FREM3: variants seen among roughly 807,000 people sequenced by gnomAD.
The protein encoded by FREM3 is FRAS1 related extracellular matrix 3, also known as FRAS1-related extracellular matrix protein 3.
Under a neutral mutation model 129.1 loss-of-function variants are expected in FREM3, and 105 were observed. The observed-to-expected ratio is 0.81, with a 90% CI of 0.69 to 0.96. The LOEUF (loss-of-function observed/expected upper bound fraction) is 0.96, where lower values mean the gene tolerates loss of function less well. FREM3 is among the 40% of genes least tolerant of loss of function. FREM3 has a pLI of 0.00. For missense variants in FREM3, 2,593 were observed against 2,666.3 expected (o/e 0.97, Z 0.61); for synonymous variants, 1,014 against 1,044.9 (o/e 0.97, Z 0.57).
intron 6 of FREM3, among the ~76,000 whole-genome samples, chr4:143,609,597 G>C (rs1738721602): frequency 6.6e-6 from 1 of 152,020 alleles, no homozygotes; most frequent in Non-Finnish European, 1.5e-5. Context: ...CTCTTGGTAA[G>C]AGATAGTTGC....
chr4:143,675,265 C>T (rs1740093886), intron 2 of FREM3, among the ~76,000 whole-genome samples: 1 of 152,114 alleles, frequency 6.6e-6, no homozygotes, highest in Admixed American at 6.5e-5. Flanking sequence ...TACATGGAAA[C>T]TGAACAACCT....
intron 2 of FREM3, among the ~76,000 whole-genome samples, chr4:143,656,414 T>A (rs1739601906): frequency 6.6e-6 from 1 of 152,220 alleles, no homozygotes; most frequent in Admixed American, 6.5e-5. Context: ...CATCCAAATG[T>A]CTATCAATTG....
Position 143,698,580 on chromosome 4 carries a change from T to A in FREM3, c.2096A>T (p.Asp699Val). 3.3e-6 allele frequency: 5 copies of A among 1,537,788 alleles called. No individual in the cohort carries two copies. Among genetic ancestry groups the A allele is most frequent in the Non-Finnish European group, 3.5e-6 (4 of 1,147,022 alleles). ...TGGATACAGCTGTGGACTCAGTATA[T>A]CCACTGGTTGGACCTTGATGGTGAA... ...HIFTIKVQPV[D>V]ILSPQLYPGT... The change falls in exon 1 of 8, where the codon GAT (aspartate) becomes GTT (valine). Residue 699 changes from aspartate to valine, a missense_variant. By Grantham distance (152) the Asp-to-Val change is radical. Transcript: ENST00000329798.
intron 2 of FREM3, among the ~76,000 whole-genome samples, chr4:143,634,077 T>C (rs1230718102): frequency 2.0e-5 from 3 of 152,022 alleles, no homozygotes; most frequent in Non-Finnish European, 4.4e-5. Context: ...TACAGCAGTA[T>C]AGATATAGCA....
In FREM3 at chr4:143,698,151, C is replaced by A; in HGVS notation, c.2525G>T (p.Gly842Val). 6.5e-7 allele frequency: 1 copy of A among 1,537,436 alleles called. No homozygotes were observed. The highest frequency in any genetic ancestry group is 1.2e-5 in the South Asian group (1 of 84,064). Residue 842 changes from glycine to valine, a missense_variant, in exon 1 of 8, where the codon GGA (glycine) becomes GTA (valine). Gly to Val is a moderately radical substitution (Grantham distance 109, BLOSUM62 -3). This residue lies in a region of FREM3 where 2,276 missense variants were observed against 2,267.2 expected (regional missense o/e 1.00). Coordinates refer to ENST00000329798, the MANE Select transcript of FREM3 (RefSeq NM_001168235.2). ...VTNRGFAILE[G>V]GSFNLSSNEL... ...ATTACTGCTGAGGTTAAAGCTGCCT[C>A]CCTCTAAGATAGCAAAGCCTCTGTT... is the stretch of plus-strand genomic sequence containing the variant.
chr4:143,616,911 T>C (rs868651360), intron 5 of FREM3, among the ~76,000 whole-genome samples: 1 of 152,226 alleles, frequency 6.6e-6, no homozygotes, highest in Non-Finnish European at 1.5e-5. Context: ...TGTGGTTTAC[T>C]ACGCAGTTCT....
At chr4:143,621,833 G>A (rs546805849) in intron 4 of FREM3, among the ~76,000 whole-genome samples, 18 of 152,282 alleles carry the variant, frequency 1.2e-4, no homozygotes, top group East Asian at 1.9e-4. Flanking sequence ...GGGATTATGT[G>A]TACTACTTTG....
chr4:143,671,239 C>T (rs559255643), intron 2 of FREM3, among the ~76,000 whole-genome samples: 1 of 152,216 alleles, frequency 6.6e-6, no homozygotes, highest in Admixed American at 6.5e-5. Context: ...TCAATTCCAA[C>T]ATAGATTATG....
intron 6 of FREM3, among the ~76,000 whole-genome samples, chr4:143,600,873 T>A (rs1343814665): frequency 6.6e-6 from 1 of 152,114 alleles, no homozygotes; most frequent in Admixed American, 6.6e-5. Flanking sequence ...TGAGAACTTT[T>A]TATCAGTGCT....
intron 2 of FREM3, among the ~76,000 whole-genome samples, chr4:143,636,183 T>C (rs1739230578): frequency 6.8e-6 from 1 of 147,410 alleles, no homozygotes; most frequent in South Asian, 2.1e-4. Context: ...TTAAACTACA[T>C]AGAATAAAAT....
At chr4:143,599,982 G>C (rs1282216997) in intron 6 of FREM3, among the ~76,000 whole-genome samples, 1 of 152,106 alleles carries the variant, frequency 6.6e-6, no homozygotes, top group African/African-American at 2.4e-5. Flanking sequence ...AACTTAGGGA[G>C]CTATTTAAAA....
chr4:143,627,569 A>T (rs780663148), intron 3 of FREM3, 45 bp downstream of exon 3: 3 of 1,448,264 alleles, frequency 2.1e-6, no homozygotes, highest in Non-Finnish European at 1.9e-6. Flanking sequence ...CCCAGATTTC[A>T]TGTTTCCATG....
rs180979529 is a variant in FREM3 at position 143,627,598 on chromosome 4, A to T, written c.5422+16T>A. 5 of 1,532,290 alleles carry T rather than the reference A, an allele frequency of 3.3e-6. No individual in the cohort carries two copies. Among genetic ancestry groups the T allele is most frequent in the Non-Finnish European group, 3.5e-6 (4 of 1,142,816 alleles). 94.9% of individuals were successfully genotyped at this position (1,532,290 alleles called of 1,614,324 possible). On this transcript the variant is annotated intron_variant, in intron 3 of 7. Coordinates refer to ENST00000329798, the MANE Select transcript of FREM3 (RefSeq NM_001168235.2). ...TTCCATGACCTTTTACCAACAACCA[A>T]TCCAAAGTTACTTACTGATAAATGA...
chr4:143,694,757 C>T (rs750164065), intron 1 of FREM3, among the ~76,000 whole-genome samples: 22 of 152,192 alleles, frequency 1.4e-4, no homozygotes, highest in Non-Finnish European at 3.1e-4. Context: ...AGAAGCAATT[C>T]TGAAAATGTA....
chr4:143,683,737 C>T (rs951497189), intron 2 of FREM3, among the ~76,000 whole-genome samples: 3 of 152,176 alleles, frequency 2.0e-5, no homozygotes, highest in East Asian at 1.9e-4. Context: ...CCCTTTCTTT[C>T]GCAGCTGGGA....
chr4:143,675,808 C>T (rs1322913105), intron 2 of FREM3, among the ~76,000 whole-genome samples: 1 of 152,176 alleles, frequency 6.6e-6, no homozygotes, highest in Non-Finnish European at 1.5e-5. Flanking sequence ...GGATAAATTC[C>T]TCCACACGTA....
chr4:143,654,444 A>G (rs1260226935), intron 2 of FREM3, among the ~76,000 whole-genome samples: 1 of 152,232 alleles, frequency 6.6e-6, no homozygotes, highest in African/African-American at 2.4e-5. Flanking sequence ...AACATTAATA[A>G]CTTGGAATGT....
rs1740643962 is a variant in FREM3, at chr4:143,699,257, G to T, written c.1419C>A (p.Val473=). ...CCAGCTGCCCATGTCTCAAGCCCCT[G>T]ACTGCAGCCATTTTCACCTCTTCCA... is the stretch of plus-strand genomic sequence containing the variant. ...DNLEEVKMAA[V]RGLRHGQLVV... The change falls in exon 1 of 8, where the codon GTC becomes GTA. Residue 473 remains valine (V), a synonymous_variant. Transcript: ENST00000329798. The surrounding 1 kb of genome is among the most constrained non-coding windows in gnomAD (Gnocchi z 4.2). 3 of 1,537,256 alleles carry T rather than the reference G, an allele frequency of 2.0e-6. No individual in the cohort carries two copies. In the African/African-American group the frequency reaches 4.1e-5, roughly 21 times the overall value.
chr4:143,676,315 G>C (rs1292938318), intron 2 of FREM3, among the ~76,000 whole-genome samples: 1 of 152,180 alleles, frequency 6.6e-6, no homozygotes, highest in African/African-American at 2.4e-5. Context: ...AATAGATGCA[G>C]AAAAGGCCTT....
Sources: allele counts gnomAD v4.1 joint callset (sites outside exome capture counted in the v4.1 genomes callset), GRCh38; gene constraint gnomAD v4.1.1; regional missense constraint gnomAD v4.1.1; non-coding constraint Gnocchi (gnomAD v3.1); transcripts MANE v1.5; gene names NCBI Gene and HGNC (gene_info 2026-07-23, HGNC 2026-07-21).